The following TYW1 variants were observed in gnomAD, a reference collection of about 807,000 sequenced individuals.
TYW1 encodes tRNA-yW synthesizing protein 1 homolog, also known as S-adenosyl-L-methionine-dependent tRNA 4-demethylwyosine synthase TYW1.
TYW1 carries 46 observed loss-of-function variants against 96.2 expected under a neutral mutation model. The observed-to-expected ratio is 0.48, with a 90% CI of 0.38 to 0.61. TYW1 has a LOEUF of 0.61. Among genes scored for constraint, TYW1 ranks in the 20% least tolerant of loss-of-function variants. TYW1 has a pLI of 0.00. For missense variants in TYW1, 684 were observed against 909.6 expected (o/e 0.75, Z 3.19); for synonymous variants, 274 against 323.0 (o/e 0.85, Z 1.63).
At chr7:67,001,377 G>A (rs941528411) in intron 3 of TYW1, among the ~76,000 whole-genome samples, 4 of 151,170 alleles carry the variant, frequency 2.6e-5, no homozygotes, top group African/African-American at 7.3e-5. Flanking sequence ...TTAAAGCTGC[G>A]CCATCTGAAT....
At chr7:67,231,811 C>T (rs1169874614) in intron 15 of TYW1, among the ~76,000 whole-genome samples, 1 of 150,518 alleles carries the variant, frequency 6.6e-6, no homozygotes, top group Non-Finnish European at 1.5e-5. Flanking sequence ...CACTTCTTAA[C>T]ATTTCCAGAA....
chr7:67,227,463 GC>G (rs1438267995), intron 15 of TYW1, among the ~76,000 whole-genome samples: 1 of 152,040 alleles, frequency 6.6e-6, no homozygotes, highest in East Asian at 1.9e-4. Context: ...CACCATGTTG[GC>G]CAGGCTGGTC....
At position 67,238,821 on chromosome 7, in the gene TYW1, T is replaced by C; in HGVS notation, c.*292T>C. The stretch of plus-strand genomic sequence containing the variant: ...GTGATTAGAATTTATCTGATGGTTT[T>C]GTATTATAACTTGTAAGACCTGCCA... On this transcript the variant is annotated 3_prime_UTR_variant, in exon 16 of 16. Coordinates refer to ENST00000359626, the MANE Select transcript of TYW1 (RefSeq NM_018264.4). 1 of 1,225,218 alleles carries C rather than the reference T, an allele frequency of 8.2e-7. No individual in the cohort carries two copies. Among genetic ancestry groups the C allele is most frequent in the Non-Finnish European group, 1.0e-6 (1 of 976,076 alleles). The allele number at this position is 1,225,218 out of a possible 1,614,324, so 75.9% of individuals were successfully genotyped here. A position where few individuals can be genotyped will look rare whatever the true frequency, so the allele number is the denominator to read the frequency against.
intron 13 of TYW1, among the ~76,000 whole-genome samples, chr7:67,142,602 G>A (rs116059450): frequency 0.034 from 5,223 of 151,898 alleles, 268 homozygotes; most frequent in African/African-American, 0.12. Flanking sequence ...ATGCCTGGCT[G>A]ATTTATTTTT....
intron 13 of TYW1, among the ~76,000 whole-genome samples, chr7:67,143,748 G>A (rs7793422): frequency 0.26 from 39,562 of 152,070 alleles, 5,646 homozygotes; most frequent in African/African-American, 0.38. Context: ...TGGTCTTAAC[G>A]ATCTAGCTGT....
chr7:67,152,308 C>T (rs1402754228), intron 13 of TYW1, among the ~76,000 whole-genome samples: 3 of 152,210 alleles, frequency 2.0e-5, no homozygotes, highest in Non-Finnish European at 4.4e-5. Flanking sequence ...TAAGACTTTA[C>T]TCATGAATTG....
In TYW1 at chr7:66,996,844, A is replaced by G; in HGVS notation, c.-135A>G. 1.3e-6 allele frequency: 2 copies of G among 1,511,238 alleles called. No homozygotes were observed. The highest frequency in any genetic ancestry group is 1.2e-5 in the South Asian group (1 of 84,324). The allele number at this position is 1,511,238 out of a possible 1,614,324, so 93.6% of individuals were successfully genotyped here. A position where few individuals can be genotyped will look rare whatever the true frequency, so the allele number is the denominator to read the frequency against. ...CAATCAGGACCGGCCTGGCAGTGTCATGGCTGCCCACAGGTCTGCAGGCAC... is the reference window on the plus strand; with the variant it reads ...CAATCAGGACCGGCCTGGCAGTGTCGTGGCTGCCCACAGGTCTGCAGGCAC... On this transcript the variant is annotated 5_prime_UTR_variant, in exon 1 of 16. An upstream start codon of the reference 5' UTR is lost. Coordinates refer to ENST00000359626, the MANE Select transcript of TYW1 (RefSeq NM_018264.4).
chr7:67,113,707 T>C (rs10256861), intron 12 of TYW1, among the ~76,000 whole-genome samples: 40,827 of 150,894 alleles, frequency 0.27, 6,281 homozygotes, highest in African/African-American at 0.42. Context: ...GGCGCAATCT[T>C]GGCTCATGCA....
At chr7:67,139,893 G>A (rs1219711928) in intron 13 of TYW1, among the ~76,000 whole-genome samples, 1 of 151,944 alleles carries the variant, frequency 6.6e-6, no homozygotes, top group Non-Finnish European at 1.5e-5. Context: ...TAATGTAAGA[G>A]GAACAGAATC....
At chr7:67,002,897 A>C (rs531359045) in intron 3 of TYW1, among the ~76,000 whole-genome samples, 68 of 140,040 alleles carry the variant, frequency 4.9e-4, no homozygotes, top group Middle Eastern at 3.8e-3. Context: ...TCTGTCACCC[A>C]GGCTGGAGTG....
At chr7:67,061,671 AATTGT>A (rs1402940457) in intron 9 of TYW1, among the ~76,000 whole-genome samples, 12 of 152,206 alleles carry the variant, frequency 7.9e-5, no homozygotes, top group African/African-American at 2.7e-4. Flanking sequence ...TTATATTTCT[AATTGT>A]ATCCTACTTG....
chr7:67,175,649 C>G (rs1292851643), intron 13 of TYW1, among the ~76,000 whole-genome samples: 1 of 151,980 alleles, frequency 6.6e-6, no homozygotes, highest in Admixed American at 6.6e-5. Context: ...TAAAAATCAA[C>G]CTATTTATGA....
chr7:67,142,035 C>CA (rs1247176287), intron 13 of TYW1, among the ~76,000 whole-genome samples: 1 of 152,002 alleles, frequency 6.6e-6, no homozygotes, highest in African/African-American at 2.4e-5. Flanking sequence ...AACTCAGTCT[C>CA]AAAAAAAGAT....
In TYW1 at chr7:67,195,197, G is replaced by A; in HGVS notation, c.1837G>A (p.Ala613Thr). The change falls in exon 15 of 16, where the codon GCA becomes ACA. Residue 613 changes from alanine to threonine, a missense_variant. By Grantham distance (58) the Ala-to-Thr change is moderately conservative (BLOSUM62 0). Transcript: ENST00000359626. ...CGTTACCTACTGCGGAGAAAGTTCA[G>A]CAAGCAGTCTTACCATGGCCCACGT... ...KGVTYCGESSASSLTMAHVPW... is the reference protein window; with the variant it reads ...KGVTYCGESSTSSLTMAHVPW... The A allele has an allele frequency of 1.2e-6, 2 of 1,613,968 alleles. No individual in the cohort carries two copies. The highest frequency in any genetic ancestry group is 1.7e-6 in the Non-Finnish European group (2 of 1,179,998).
intron 12 of TYW1, among the ~76,000 whole-genome samples, chr7:67,103,496 T>C (rs1584564767): frequency 6.6e-6 from 1 of 152,208 alleles, no homozygotes; most frequent in African/African-American, 2.4e-5. Context: ...TGAAACAAGA[T>C]AGTCTTCAGA....
At position 67,184,114 on chromosome 7, in the gene TYW1, C is replaced by T. The variant is rs888492569; in HGVS notation, c.1809+878C>T. Among the ~76,000 whole-genome samples, 40 of 152,300 alleles carry T rather than the reference C, an allele frequency of 2.6e-4. 1 individual carries two copies. The highest frequency in any genetic ancestry group is 8.9e-4 in the African/African-American group (37 of 41,566). ...GATTATAGGTGTGAGCCACTGTGCC[C>T]GGCTGATGTGTATTCTTTTGAAACA... On this transcript the variant is annotated intron_variant, in intron 14 of 15. Transcript: ENST00000359626.
At chr7:67,036,001 G>A (rs1463234924) in intron 7 of TYW1, among the ~76,000 whole-genome samples, 2 of 149,556 alleles carry the variant, frequency 1.3e-5, no homozygotes, top group African/African-American at 4.9e-5. Flanking sequence ...TAAGTCCAAG[G>A]CTCCCATTGT....
intron 9 of TYW1, among the ~76,000 whole-genome samples, chr7:67,060,325 C>T (rs1795658966): frequency 6.6e-6 from 1 of 152,246 alleles, no homozygotes; most frequent in Non-Finnish European, 1.5e-5. Context: ...ATCCGTCCGC[C>T]TTGGCCTCCC....
intron 5 of TYW1, among the ~76,000 whole-genome samples, chr7:67,015,879 C>T (rs911267175): frequency 1.1e-4 from 17 of 151,248 alleles, no homozygotes; most frequent in Non-Finnish European, 2.4e-4. Flanking sequence ...AGGAGAATGG[C>T]GTGTACTCGG....
Sources: allele counts gnomAD v4.1 joint callset (sites outside exome capture counted in the v4.1 genomes callset), GRCh38; gene constraint gnomAD v4.1.1; transcripts MANE v1.5; gene names NCBI Gene and HGNC (gene_info 2026-07-23, HGNC 2026-07-21).